Variants in MAN1C1 observed in about 807,000 individuals in gnomAD.
MAN1C1 encodes the protein mannosidase alpha class 1C member 1, also known as mannosyl-oligosaccharide 1,2-alpha-mannosidase IC.
In MAN1C1, 49 loss-of-function variants were observed where a neutral mutation model predicts 71.5. That is an observed-to-expected ratio of 0.69 (90% confidence interval 0.54 to 0.87). The LOEUF (loss-of-function observed/expected upper bound fraction) is 0.87. MAN1C1 is among the 40% of genes least tolerant of loss of function. MAN1C1 has a pLI of 0.00. For synonymous variants in MAN1C1, 352 were observed against 343.7 expected (o/e 1.02, Z -0.27); for missense variants, 743 against 835.0 (o/e 0.89, Z 1.36).
intron 1 of MAN1C1, chr1:25,644,815 C>T (rs2045591159): frequency 1.3e-5 from 2 of 152,194 alleles, no homozygotes; most frequent in African/African-American, 4.8e-5. Context: ...CGCCACCACG[C>T]CCGGCCGAGA....
intron 1 of MAN1C1, chr1:25,654,188 G>C (rs1462086569): frequency 6.6e-6 from 1 of 152,258 alleles, no homozygotes; most frequent in Admixed American, 6.5e-5. Flanking sequence ...GATGTGCTGT[G>C]TAATTATGGA....
intron 1 of MAN1C1, among the ~76,000 whole-genome samples, chr1:25,665,386 G>A (rs2124114039): frequency 6.6e-6 from 1 of 152,242 alleles, no homozygotes; most frequent in South Asian, 2.1e-4. Flanking sequence ...GTGAAAAATG[G>A]ACTCGGTGTG....
chr1:25,668,752 G>T (rs1184846585), intron 1 of MAN1C1, among the ~76,000 whole-genome samples: 2 of 152,038 alleles, frequency 1.3e-5, no homozygotes, highest in Non-Finnish European at 2.9e-5. Flanking sequence ...TAGAGACGGG[G>T]TTTCACCATG....
chr1:25,751,204 C>A (rs146495605), intron 4 of MAN1C1, among the ~76,000 whole-genome samples: 32 of 136,374 alleles, frequency 2.3e-4, no homozygotes, highest in Middle Eastern at 4.8e-3. Flanking sequence ...TCCTTCCATT[C>A]GTCTTTCCTT....
chr1:25,629,744 T>C (rs949935265), intron 1 of MAN1C1, among the ~76,000 whole-genome samples: 14 of 152,012 alleles, frequency 9.2e-5, no homozygotes, highest in Non-Finnish European at 1.9e-4. Context: ...TTAATTGATT[T>C]TTTTTTTTTC....
chr1:25,766,372 T>C (rs1015893375), intron 7 of MAN1C1, among the ~76,000 whole-genome samples: 5 of 152,024 alleles, frequency 3.3e-5, no homozygotes, highest in Non-Finnish European at 7.4e-5. Flanking sequence ...GCATACGTAT[T>C]CTTTTAGCAC....
At chr1:25,736,748 A>T (rs1284421816) in intron 2 of MAN1C1, among the ~76,000 whole-genome samples, 1 of 152,088 alleles carries the variant, frequency 6.6e-6, no homozygotes, top group Admixed American at 6.5e-5. Flanking sequence ...GCTGGTCTTG[A>T]ACTCCCGGGC....
chr1:25,732,646 G>A (rs1355598273), intron 2 of MAN1C1, among the ~76,000 whole-genome samples: 1 of 152,194 alleles, frequency 6.6e-6, no homozygotes, highest in Non-Finnish European at 1.5e-5. Context: ...TGGAGGATGA[G>A]GAAACTGAGG....
At chr1:25,724,706 G>A (rs1005791940) in intron 2 of MAN1C1, among the ~76,000 whole-genome samples, 8 of 152,126 alleles carry the variant, frequency 5.3e-5, no homozygotes, top group Admixed American at 1.3e-4. Context: ...GCATGGCTCC[G>A]GAACAGAGCA....
chr1:25,783,866 G>T lies in MAN1C1; in HGVS notation c.*77G>T. The T allele has an allele frequency of 6.5e-7, 1 of 1,532,656 alleles. No individual in the cohort carries two copies. Among genetic ancestry groups the T allele is most frequent in the Non-Finnish European group, 8.8e-7 (1 of 1,136,984 alleles). The allele number at this position is 1,532,656 out of a possible 1,614,324, so 94.9% of individuals were successfully genotyped here. On this transcript the variant is annotated 3_prime_UTR_variant, in exon 12 of 12. Coordinates refer to ENST00000374332, the MANE Select transcript of MAN1C1 (RefSeq NM_020379.4). The stretch of plus-strand genomic sequence containing the variant: ...CAGGATTTGAGACTGTTCTCAAAGG[G>T]ATTGGGAACGAAGGCCCCATCTCGG...
At chr1:25,758,803 G>C in intron 6 of MAN1C1, 94 bp downstream of exon 6, 1 of 1,121,074 alleles carries the variant, frequency 8.9e-7, no homozygotes, top group Non-Finnish European at 1.4e-6. Flanking sequence ...CTCCCTCATG[G>C]ATCAGCAGGA....
At chr1:25,692,349 T>G (rs1572153647) in intron 2 of MAN1C1, among the ~76,000 whole-genome samples, 1 of 152,326 alleles carries the variant, frequency 6.6e-6, no homozygotes, top group East Asian at 1.9e-4. Context: ...GCACATACAT[T>G]ATGCCAGGCA....
At chr1:25,625,457 G>C (rs2045279590) in intron 1 of MAN1C1, among the ~76,000 whole-genome samples, 1 of 152,084 alleles carries the variant, frequency 6.6e-6, no homozygotes. Flanking sequence ...CTCTCACCTA[G>C]CCCCTATCAC....
At chr1:25,650,906 T>C (rs529998923) in intron 1 of MAN1C1, among the ~76,000 whole-genome samples, 1 of 152,326 alleles carries the variant, frequency 6.6e-6, no homozygotes, top group South Asian at 2.1e-4. Flanking sequence ...TCAGTTTTAA[T>C]AGCAAAGGCT....
intron 2 of MAN1C1, among the ~76,000 whole-genome samples, chr1:25,728,840 G>A (rs1198352924): frequency 6.6e-6 from 1 of 152,164 alleles, no homozygotes; most frequent in African/African-American, 2.4e-5. Flanking sequence ...CAGAATCGTT[G>A]CTGGCACAGT....
chr1:25,720,762 A>T (rs945848474), intron 2 of MAN1C1, among the ~76,000 whole-genome samples: 7 of 152,218 alleles, frequency 4.6e-5, no homozygotes, highest in Admixed American at 2.6e-4. Context: ...AAGGTCATGA[A>T]CATAATTCCT....
At chr1:25,694,240 A>G (rs770076312) in intron 2 of MAN1C1, among the ~76,000 whole-genome samples, 19 of 152,290 alleles carry the variant, frequency 1.2e-4, no homozygotes, top group African/African-American at 3.6e-4. Flanking sequence ...ATCAGCAGAC[A>G]GACCCTGTAA....
intron 1 of MAN1C1, among the ~76,000 whole-genome samples, chr1:25,686,229 A>T (rs1557765166): frequency 1.3e-5 from 2 of 152,216 alleles, no homozygotes. Context: ...GGCCCTAGAC[A>T]CATGGCGTTG....
intron 2 of MAN1C1, among the ~76,000 whole-genome samples, chr1:25,739,590 TGG>T (rs1046377779): frequency 2.0e-5 from 3 of 152,080 alleles, no homozygotes; most frequent in African/African-American, 7.2e-5. Flanking sequence ...GTCAGCAGGG[TGG>T]GATACAGACC....
Sources: gnomAD v4.1 joint callset for allele counts (sites outside exome capture counted in the v4.1 genomes callset) on GRCh38, gnomAD v4.1.1 for gene constraint, MANE v1.5 for transcripts, NCBI Gene and HGNC (gene_info 2026-07-23, HGNC 2026-07-21) for gene names.